The following ARHGAP44 variants were observed in gnomAD, a reference collection of about 807,000 sequenced individuals.
ARHGAP44 encodes Rho GTPase activating protein 44, also known as rho GTPase-activating protein 44.
In ARHGAP44, 43 loss-of-function variants were observed where a neutral mutation model predicts 106.8. That is an observed-to-expected ratio of 0.40 (90% CI 0.32 to 0.52). The LOEUF (loss-of-function observed/expected upper bound fraction) is 0.52, where lower values mean the gene tolerates loss of function less well. ARHGAP44 is among the 20% of genes least tolerant of loss of function. The probability of loss-of-function intolerance (pLI) is 0.48; values close to 1 mark genes in which losing one functional copy is unlikely to be tolerated. For synonymous variants in ARHGAP44, 439 were observed against 410.3 expected, an observed-to-expected ratio of 1.07 and a Z score of -0.85; for missense variants, 866 against 1,050.5, an observed-to-expected ratio of 0.82 and a Z score of 2.43.
chr17:12,937,423 T>C (rs1167931013), intron 7 of ARHGAP44, among the ~76,000 whole-genome samples: 1 of 152,212 alleles, frequency 6.6e-6, no homozygotes, highest in Non-Finnish European at 1.5e-5. Flanking sequence ...GATTTAACTT[T>C]CACACTTGTC....
intron 20 of ARHGAP44, among the ~76,000 whole-genome samples, chr17:12,989,473 T>C (rs1426963218): frequency 6.6e-6 from 1 of 151,960 alleles, no homozygotes; most frequent in African/African-American, 2.4e-5. Flanking sequence ...GAGGTGGGGG[T>C]TGTCCTGCAG....
intron 1 of ARHGAP44, among the ~76,000 whole-genome samples, chr17:12,860,805 G>A (rs4792296): frequency 0.63 from 94,803 of 151,176 alleles, 30,366 homozygotes; most frequent in Non-Finnish European, 0.68. Flanking sequence ...ATTGATTCAC[G>A]CAGAGCAGGT....
At chr17:12,965,531 C>G (rs77459168) in intron 16 of ARHGAP44, among the ~76,000 whole-genome samples, 2 of 152,102 alleles carry the variant, frequency 1.3e-5, no homozygotes, top group African/African-American at 4.8e-5. Flanking sequence ...TAGAATAATT[C>G]GAACTGTGCC....
chr17:12,844,974 C>T (rs7220143), intron 1 of ARHGAP44, among the ~76,000 whole-genome samples: 44,755 of 151,970 alleles, frequency 0.29, 9,797 homozygotes, highest in African/African-American at 0.61. Flanking sequence ...CCACATTTGC[C>T]GAGAGTTAGG....
chr17:12,808,155 TG>T (rs1453037814), intron 1 of ARHGAP44, among the ~76,000 whole-genome samples: 1 of 152,228 alleles, frequency 6.6e-6, no homozygotes, highest in African/African-American at 2.4e-5. Flanking sequence ...GCTCCGCCCT[TG>T]TGGATTTGCA....
chr17:12,874,225 C>A (rs1431437122), intron 1 of ARHGAP44, among the ~76,000 whole-genome samples: 1 of 152,236 alleles, frequency 6.6e-6, no homozygotes, highest in Non-Finnish European at 1.5e-5. Flanking sequence ...GAAAGCAAAG[C>A]TTTCACAGAG....
intron 1 of ARHGAP44, 89 bp from the exon 2 acceptor site, chr17:12,894,851 G>T: frequency 8.6e-7 from 1 of 1,167,242 alleles, no homozygotes; most frequent in South Asian, 1.4e-5. Flanking sequence ...CTGTTTTTCT[G>T]GTATTGCCTT....
intron 12 of ARHGAP44, among the ~76,000 whole-genome samples, chr17:12,950,040 T>C (rs1487823598): frequency 1.3e-5 from 2 of 152,236 alleles, no homozygotes; most frequent in Non-Finnish European, 2.9e-5. Flanking sequence ...GAGTTATTCA[T>C]GCTAACATAA....
At chr17:12,944,279 C>A in intron 10 of ARHGAP44, 83 bp downstream of exon 10, 1 of 1,444,706 alleles carries the variant, frequency 6.9e-7, no homozygotes, top group Non-Finnish European at 9.1e-7. Context: ...CTCTCCTGTA[C>A]CATCTCCACT....
At chr17:12,966,232 C>T (rs986624088) in intron 16 of ARHGAP44, among the ~76,000 whole-genome samples, 2 of 151,804 alleles carry the variant, frequency 1.3e-5, no homozygotes, top group Non-Finnish European at 2.9e-5. Flanking sequence ...AGAGCTTGAA[C>T]CTATGATAAG....
At chr17:12,920,467 CT>C (rs2038050301) in intron 6 of ARHGAP44, among the ~76,000 whole-genome samples, 1 of 150,484 alleles carries the variant, frequency 6.6e-6, no homozygotes, top group African/African-American at 2.5e-5. Flanking sequence ...AGAGAAAAAG[CT>C]TTTTTGAGGT....
intron 1 of ARHGAP44, among the ~76,000 whole-genome samples, chr17:12,849,568 C>CTTTTTTTTTTTTTT (rs776346185): frequency 2.9e-5 from 2 of 69,958 alleles, no homozygotes; most frequent in African/African-American, 1.8e-4. Flanking sequence ...TACTTTTGTC[C>CTTTTTTTTTTTTTT]TTTTTTTTTT....
chr17:12,857,765 G>GTTAT (rs56164347), intron 1 of ARHGAP44, among the ~76,000 whole-genome samples: 1,868 of 145,594 alleles, frequency 0.013, 15 homozygotes, highest in East Asian at 0.025. Context: ...GGTTGCCCAT[G>GTTAT]TTATTTATTT....
At chr17:12,852,564 T>G (rs139362374) in intron 1 of ARHGAP44, among the ~76,000 whole-genome samples, 5 of 149,424 alleles carry the variant, frequency 3.3e-5, no homozygotes, top group Non-Finnish European at 5.9e-5. Flanking sequence ...TTTTTTTTGA[T>G]GGCATCTTGC....
At chr17:12,891,923 G>A (rs1337633713) in intron 1 of ARHGAP44, among the ~76,000 whole-genome samples, 2 of 151,900 alleles carry the variant, frequency 1.3e-5, no homozygotes, top group East Asian at 3.9e-4. Flanking sequence ...AGCCTCCTCA[G>A]TAGCTGGGAT....
chr17:12,852,323 T>C (rs2150850168), intron 1 of ARHGAP44, among the ~76,000 whole-genome samples: 1 of 140,878 alleles, frequency 7.1e-6, no homozygotes, highest in African/African-American at 2.7e-5. Context: ...TTTATGTTTC[T>C]GGAGATTTAA....
chr17:12,792,425 C>T (rs993797659), intron 1 of ARHGAP44, among the ~76,000 whole-genome samples: 3 of 152,164 alleles, frequency 2.0e-5, no homozygotes, highest in African/African-American at 7.2e-5. Flanking sequence ...ACTACTGACT[C>T]TCAATCGGTG....
intron 1 of ARHGAP44, among the ~76,000 whole-genome samples, chr17:12,883,952 T>G (rs1286212698): frequency 6.6e-6 from 1 of 152,130 alleles, no homozygotes; most frequent in East Asian, 1.9e-4. Flanking sequence ...GATTTTTATA[T>G]TGTGTGATTC....
intron 1 of ARHGAP44, among the ~76,000 whole-genome samples, chr17:12,834,869 A>G (rs934337385): frequency 2.6e-5 from 4 of 152,214 alleles, no homozygotes; most frequent in African/African-American, 9.6e-5. Flanking sequence ...AATACATGAT[A>G]TATAATTTTG....
Sources: gnomAD v4.1 joint callset for allele counts (sites outside exome capture counted in the v4.1 genomes callset) on GRCh38, gnomAD v4.1.1 for gene constraint, MANE v1.5 for transcripts, NCBI Gene and HGNC (gene_info 2026-07-23, HGNC 2026-07-21) for gene names.